STK32B: variants seen among roughly 807,000 people sequenced by gnomAD.
The protein encoded by STK32B is serine/threonine-protein kinase 32B.
A neutral mutation model predicts 52.6 loss-of-function variants in STK32B; 43 were observed. The ratio of observed to expected loss-of-function variants is 0.82; its 90% confidence interval spans 0.64 to 1.05. STK32B has a LOEUF of 1.05. Among genes scored for constraint, STK32B ranks in the 50% least tolerant of loss-of-function variants. STK32B has a pLI of 0.00. For synonymous variants in STK32B, 238 were observed against 204.3 expected, an observed-to-expected ratio of 1.17 and a Z score of -1.41; for missense variants, 621 against 534.6, an observed-to-expected ratio of 1.16 and a Z score of -1.59.
chr4:5,241,533 G>A (rs956030258), intron 3 of STK32B, among the ~76,000 whole-genome samples: 1 of 151,788 alleles, frequency 6.6e-6, no homozygotes, highest in African/African-American at 2.4e-5. Flanking sequence ...TCGTAGGTAG[G>A]TCTGTGGTTA....
At chr4:5,257,797 G>T (rs1459020298) in intron 3 of STK32B, among the ~76,000 whole-genome samples, 2 of 152,166 alleles carry the variant, frequency 1.3e-5, no homozygotes, top group African/African-American at 4.8e-5. Flanking sequence ...ACAAAAATTA[G>T]CTCTGTGTGG....
intron 4 of STK32B, among the ~76,000 whole-genome samples, chr4:5,333,573 A>T (rs980616792): frequency 2.6e-5 from 4 of 152,220 alleles, no homozygotes; most frequent in African/African-American, 7.2e-5. Context: ...CTGAATGGTA[A>T]TGCCTAGGTT....
intron 4 of STK32B, among the ~76,000 whole-genome samples, chr4:5,365,765 C>G (rs1734835735): frequency 6.6e-6 from 1 of 152,154 alleles, no homozygotes; most frequent in Admixed American, 6.5e-5. Context: ...GTTGATGTTA[C>G]TCATTTTTCA....
chr4:5,244,517 GAA>G (rs200220812), intron 3 of STK32B, among the ~76,000 whole-genome samples: 1 of 151,764 alleles, frequency 6.6e-6, no homozygotes, highest in Non-Finnish European at 1.5e-5. Flanking sequence ...TTGATCTTTT[GAA>G]AAAACTAGCT....
At chr4:5,299,886 A>G (rs377731257) in intron 3 of STK32B, among the ~76,000 whole-genome samples, 3 of 152,198 alleles carry the variant, frequency 2.0e-5, no homozygotes, top group African/African-American at 7.2e-5. Context: ...GTACCAATCC[A>G]CTGAAACTAT....
intron 3 of STK32B, among the ~76,000 whole-genome samples, chr4:5,230,420 C>G (rs1285401375): frequency 1.3e-5 from 2 of 151,926 alleles, no homozygotes; most frequent in East Asian, 3.9e-4. Context: ...GAACTCCTAA[C>G]CTCAGCTGAT....
At chr4:5,282,187 AC>A (rs1249469580) in intron 3 of STK32B, among the ~76,000 whole-genome samples, 1 of 152,172 alleles carries the variant, frequency 6.6e-6, no homozygotes, top group Admixed American at 6.5e-5. Flanking sequence ...CCTAGCAGAT[AC>A]CTGAAACTGC....
chr4:5,198,049 C>T (rs985077260), intron 3 of STK32B, among the ~76,000 whole-genome samples: 119 of 151,850 alleles, frequency 7.8e-4, no homozygotes, highest in African/African-American at 2.9e-3. Flanking sequence ...AATGTGCTAT[C>T]TCATGCCATA....
chr4:5,167,029 C>T (rs1298032669), intron 2 of STK32B, among the ~76,000 whole-genome samples: 1 of 152,166 alleles, frequency 6.6e-6, no homozygotes, highest in East Asian at 1.9e-4. Flanking sequence ...GCTCACTTTT[C>T]CTGCTGTGCT....
intron 1 of STK32B, among the ~76,000 whole-genome samples, chr4:5,137,712 A>C (rs747948847): frequency 5.3e-5 from 8 of 152,218 alleles, no homozygotes; most frequent in Non-Finnish European, 1.2e-4. Context: ...GCTCCAGGGA[A>C]TGTCCTCCCA....
At chr4:5,234,179 T>C (rs541027375) in intron 3 of STK32B, among the ~76,000 whole-genome samples, 1 of 152,230 alleles carries the variant, frequency 6.6e-6, no homozygotes, top group Non-Finnish European at 1.5e-5. Flanking sequence ...GGAAGCGTTG[T>C]GTAGTACAAG....
At chr4:5,179,648 G>A (rs1720206193) in intron 3 of STK32B, among the ~76,000 whole-genome samples, 1 of 152,176 alleles carries the variant, frequency 6.6e-6, no homozygotes, top group South Asian at 2.1e-4. Flanking sequence ...CAAGCTACAA[G>A]TTAAAAGGAG....
chr4:5,209,058 C>T (rs1722749646), intron 3 of STK32B, among the ~76,000 whole-genome samples: 1 of 152,196 alleles, frequency 6.6e-6, no homozygotes, highest in Admixed American at 6.5e-5. Flanking sequence ...CCAGTGTGCT[C>T]TGTCTGGAGC....
intron 3 of STK32B, among the ~76,000 whole-genome samples, chr4:5,202,251 G>T (rs186121947): frequency 1.1e-4 from 17 of 152,354 alleles, no homozygotes; most frequent in Non-Finnish European, 2.4e-4. Context: ...CTCCAACATA[G>T]TCTCCTTTCA....
At chr4:5,318,509 G>A (rs1182731761) in intron 3 of STK32B, among the ~76,000 whole-genome samples, 2 of 152,148 alleles carry the variant, frequency 1.3e-5, no homozygotes, top group Non-Finnish European at 2.9e-5. Context: ...TGAAATTGGA[G>A]AGTCCTGATC....
chr4:5,096,315 A>T (rs570363399), intron 1 of STK32B, among the ~76,000 whole-genome samples: 1 of 152,238 alleles, frequency 6.6e-6, no homozygotes, highest in African/African-American at 2.4e-5. Context: ...CTGTTAAAAA[A>T]AATAATAAAA....
intron 4 of STK32B, among the ~76,000 whole-genome samples, chr4:5,362,085 A>G (rs1361243257): frequency 1.3e-5 from 2 of 152,224 alleles, no homozygotes; most frequent in East Asian, 1.9e-4. Flanking sequence ...ACTTTAATGT[A>G]TGAGAGACTT....
chr4:5,249,252 A>G (rs991783695), intron 3 of STK32B, among the ~76,000 whole-genome samples: 4 of 152,142 alleles, frequency 2.6e-5, no homozygotes, highest in Non-Finnish European at 4.4e-5. Context: ...TCTGGCCATC[A>G]GTTGCTATTA....
chr4:5,215,758 A>G (rs1196401563), intron 3 of STK32B, among the ~76,000 whole-genome samples: 1 of 152,112 alleles, frequency 6.6e-6, no homozygotes, highest in Admixed American at 6.6e-5. Flanking sequence ...AAATTGTGGA[A>G]TCTCTAAGAG....
Sources: allele counts gnomAD v4.1 joint callset (sites outside exome capture counted in the v4.1 genomes callset), GRCh38; gene constraint gnomAD v4.1.1; transcripts MANE v1.5; gene names NCBI Gene and HGNC (gene_info 2026-07-23, HGNC 2026-07-21).